Variants in PAWR observed in about 807,000 individuals in gnomAD.
PAWR encodes PRKC apoptosis WT1 regulator protein.
In PAWR, 23 loss-of-function variants were observed where a neutral mutation model predicts 32.0. The ratio of observed to expected loss-of-function variants is 0.72; its 90% CI spans 0.52 to 1.02. The LOEUF is 1.02. PAWR is among the 50% of genes least tolerant of loss of function. The pLI, the probability that PAWR is intolerant of heterozygous loss-of-function variation, is 0.00. For missense variants in PAWR, 457 were observed against 437.7 expected (o/e 1.04, Z -0.39); for synonymous variants, 226 against 187.1 (o/e 1.21, Z -1.70).
In PAWR at chr12:79,690,025, G is replaced by C. The variant is rs1187718061; in HGVS notation, c.220C>G (p.Pro74Ala). Residue 74 changes from proline (P) to alanine (A), a missense_variant, in exon 2 of 7, where the codon CCG becomes GCG. Transcript: ENST00000328827. ...AAANELNNNL[P>A]GGAPAAPAVP... ...GCAGGTGCGGCCGGCGCGCCGCCCG[G>C]GAGGTTGTTGTTGAGCTCGTTGGCA... 4 of 1,315,642 alleles carry C rather than the reference G, an allele frequency of 3.0e-6. No homozygotes were observed. The highest frequency in any genetic ancestry group is 1.6e-5 in the African/African-American group (1 of 64,438). 81.5% of individuals were successfully genotyped at this position (1,315,642 alleles called of 1,614,324 possible).
At chr12:79,647,388 GT>G (rs1290504095) in intron 2 of PAWR, among the ~76,000 whole-genome samples, 1 of 152,098 alleles carries the variant, frequency 6.6e-6, no homozygotes, top group Non-Finnish European at 1.5e-5. Flanking sequence ...TTAGGGGCAA[GT>G]TTTTTGGGAT....
chr12:79,641,845 C>CAAAA (rs35377529), intron 2 of PAWR, among the ~76,000 whole-genome samples: 3 of 57,688 alleles, frequency 5.2e-5, no homozygotes, highest in Middle Eastern at 0.022. Flanking sequence ...GACTCCGTCT[C>CAAAA]AAAAAAAAAA....
intron 2 of PAWR, among the ~76,000 whole-genome samples, chr12:79,658,341 CAACTT>C (rs1877190804): frequency 6.6e-6 from 1 of 152,118 alleles, no homozygotes; most frequent in Non-Finnish European, 1.5e-5. Context: ...AGGAAAAGTT[CAACTT>C]AGAGGTCTAT....
chr12:79,645,877 G>A (rs1876551291), intron 2 of PAWR, among the ~76,000 whole-genome samples: 1 of 152,200 alleles, frequency 6.6e-6, no homozygotes, highest in South Asian at 2.1e-4. Flanking sequence ...ACAGCTTTTA[G>A]TAGATAATGC....
At chr12:79,615,799 G>A (rs1287898241) in intron 3 of PAWR, among the ~76,000 whole-genome samples, 2 of 152,128 alleles carry the variant, frequency 1.3e-5, no homozygotes, top group Admixed American at 6.6e-5. Context: ...GCTCATACCT[G>A]TAATCCTAGC....
intron 2 of PAWR, among the ~76,000 whole-genome samples, chr12:79,652,386 T>C (rs1876891013): frequency 6.6e-6 from 1 of 152,178 alleles, no homozygotes; most frequent in Non-Finnish European, 1.5e-5. Context: ...ACAAAGATAC[T>C]CATTGGCTAA....
At chr12:79,670,348 TAAAA>T (rs1268978443) in intron 2 of PAWR, among the ~76,000 whole-genome samples, 1 of 152,116 alleles carries the variant, frequency 6.6e-6, no homozygotes, top group Non-Finnish European at 1.5e-5. Flanking sequence ...AATGAAAGCT[TAAAA>T]AACCAAATTA....
At chr12:79,653,321 C>T (rs1674972381) in intron 2 of PAWR, among the ~76,000 whole-genome samples, 1 of 152,142 alleles carries the variant, frequency 6.6e-6, no homozygotes, top group African/African-American at 2.4e-5. Flanking sequence ...CAGGCGTGAG[C>T]CACTGCACCC....
chr12:79,627,543 C>T (rs1185182888), intron 2 of PAWR, among the ~76,000 whole-genome samples: 1 of 152,072 alleles, frequency 6.6e-6, no homozygotes, highest in Admixed American at 6.5e-5. Flanking sequence ...TGTAGGTTGC[C>T]TGTTCACTCT....
Position 79,588,910 on chromosome 12 carries a change from G to A in PAWR, c.*3697C>T, listed in dbSNP as rs992611444. ...ATCCAGGAGAAACTTAGCATGGGGGGAGGTGCCTTAGTTGATGTGCCTGAT... is the reference window on the plus strand; with the variant it reads ...ATCCAGGAGAAACTTAGCATGGGGGAAGGTGCCTTAGTTGATGTGCCTGAT... On this transcript the variant is annotated 3_prime_UTR_variant, in exon 7 of 7. Transcript: ENST00000328827. 2.6e-5 allele frequency: 4 copies of A among 151,948 alleles called. No individual in the cohort carries two copies. Among genetic ancestry groups the A allele is most frequent in the African/African-American group, 9.7e-5 (4 of 41,416 alleles). 9.4% of individuals were successfully genotyped at this position (151,948 alleles called of 1,614,324 possible). A position where few individuals can be genotyped will look rare whatever the true frequency, so the allele number is the denominator to read the frequency against.
rs1875582553 is a variant in PAWR at position 79,630,795 on chromosome 12, C to A, written c.517-9588G>T. On this transcript the variant is annotated intron_variant, in intron 2 of 6. Transcript: ENST00000328827. ...AAGAAATACCATCTGTTCACAAATT[C>A]TTCTAGATGGAAGAAATACTTCTCA... Among the ~76,000 whole-genome samples the A allele has an allele frequency of 3.3e-5, 5 of 150,694 alleles. No individual in the cohort carries two copies. The South Asian group carries it at 1.1e-3, about 32-fold the overall frequency.
At chr12:79,665,218 T>C (rs1877546705) in intron 2 of PAWR, among the ~76,000 whole-genome samples, 2 of 152,192 alleles carry the variant, frequency 1.3e-5, no homozygotes, top group Admixed American at 6.5e-5. Flanking sequence ...AGTCTACAAA[T>C]ACATAACTAA....
intron 2 of PAWR, among the ~76,000 whole-genome samples, chr12:79,646,565 CA>C (rs1292934896): frequency 6.6e-6 from 1 of 152,024 alleles, no homozygotes; most frequent in Non-Finnish European, 1.5e-5. Flanking sequence ...CTGTATACAA[CA>C]AATCTTTATA....
At chr12:79,687,723 G>C (rs1878751294) in intron 2 of PAWR, among the ~76,000 whole-genome samples, 1 of 151,964 alleles carries the variant, frequency 6.6e-6, no homozygotes, top group Non-Finnish European at 1.5e-5. Flanking sequence ...TTCTAAAAAA[G>C]CAACAATATA....
At chr12:79,683,092 G>A (rs1447330050) in intron 2 of PAWR, among the ~76,000 whole-genome samples, 12 of 152,142 alleles carry the variant, frequency 7.9e-5, no homozygotes, top group African/African-American at 2.9e-4. Context: ...TGGAAAAGAG[G>A]CAAAGCAGAC....
In PAWR at chr12:79,605,812, G is replaced by A. The variant is rs183869434; in HGVS notation, c.683+7763C>T. Reference sequence around the variant, plus strand: ...TGCTTGGCCAGGTGCAGTGGCTCACGCCTGTAATCCCAGCACTTTGGGAGG... The same window carrying A: ...TGCTTGGCCAGGTGCAGTGGCTCACACCTGTAATCCCAGCACTTTGGGAGG... On this transcript the variant is annotated intron_variant, in intron 4 of 6. Coordinates refer to ENST00000328827, the MANE Select transcript of PAWR (RefSeq NM_002583.4). Among the ~76,000 whole-genome samples, 179 of 152,226 alleles carry A rather than the reference G, an allele frequency of 1.2e-3. 1 individual carries two copies. The highest frequency in any genetic ancestry group is 4.3e-3 in the African/African-American group (177 of 41,538).
At position 79,585,356 on chromosome 12, in the gene PAWR, G is replaced by A. The variant is rs890333290; in HGVS notation, c.*7251C>T. 9.4e-6 allele frequency: 2 copies of A among 212,332 alleles called. No individual in the cohort carries two copies. Among genetic ancestry groups the A allele is most frequent in the African/African-American group, 2.4e-5 (1 of 42,366 alleles). 13.2% of individuals were successfully genotyped at this position (212,332 alleles called of 1,614,324 possible). ...AGTTTGTGACTCAAGTGTTGGGTGGGGCCAAATAATTTGTATTTCTAACAG... is the reference window on the plus strand; with the variant it reads ...AGTTTGTGACTCAAGTGTTGGGTGGAGCCAAATAATTTGTATTTCTAACAG... On this transcript the variant is annotated 3_prime_UTR_variant, in exon 7 of 7. Transcript: ENST00000328827.
intron 2 of PAWR, among the ~76,000 whole-genome samples, chr12:79,664,743 T>A (rs1034913898): frequency 6.6e-6 from 1 of 151,028 alleles, no homozygotes; most frequent in Non-Finnish European, 1.5e-5. Context: ...TCCTCCTGCC[T>A]CAGCCTCCCA....
At chr12:79,651,320 A>G (rs1737830361) in intron 2 of PAWR, among the ~76,000 whole-genome samples, 1 of 152,254 alleles carries the variant, frequency 6.6e-6, no homozygotes, top group Non-Finnish European at 1.5e-5. Flanking sequence ...ACAAACACCT[A>G]GCAAATCAGT....
Sources: allele counts gnomAD v4.1 joint callset (sites outside exome capture counted in the v4.1 genomes callset), GRCh38; gene constraint gnomAD v4.1.1; transcripts MANE v1.5; gene names NCBI Gene and HGNC (gene_info 2026-07-23, HGNC 2026-07-21).